Variants in RYR2 observed in about 807,000 individuals in gnomAD.
RYR2 encodes cardiac muscle ryanodine receptor-calcium release channel.
A neutral mutation model predicts 601.1 loss-of-function variants in RYR2; 227 were observed. That is an observed-to-expected ratio of 0.38 (90% CI 0.34 to 0.42). RYR2 has a LOEUF of 0.42. Ranked by LOEUF, RYR2 falls within the 10% of genes least tolerant of loss-of-function variation. RYR2 has a pLI of 1.00. For missense variants in RYR2, 4,646 were observed against 6,156.5 expected (o/e 0.75, Z 8.21); for synonymous variants, 2,223 against 2,175.1 (o/e 1.02, Z -0.61).
intron 1 of RYR2, among the ~76,000 whole-genome samples, chr1:237,124,836 T>C (rs1194930574): frequency 6.6e-6 from 1 of 152,168 alleles, no homozygotes; most frequent in Non-Finnish European, 1.5e-5. Context: ...CCCCACCTTT[T>C]CCCCCTGGCA....
chr1:237,382,477 T>C (rs1032936615), intron 8 of RYR2, among the ~76,000 whole-genome samples: 1 of 151,950 alleles, frequency 6.6e-6, no homozygotes, highest in Admixed American at 6.6e-5. Context: ...GCTGCACCCA[T>C]TAACTTGTCA....
intron 96 of RYR2, among the ~76,000 whole-genome samples, chr1:237,797,763 T>TGCTTTTATTTCA (rs1238378612): frequency 6.6e-6 from 1 of 152,250 alleles, no homozygotes; most frequent in African/African-American, 2.4e-5. Context: ...CCATTTCTTA[T>TGCTTTTATTTCA]GCTTTTATTT....
chr1:237,121,498 G>A (rs529377323), intron 1 of RYR2, among the ~76,000 whole-genome samples: 7 of 152,268 alleles, frequency 4.6e-5, no homozygotes, highest in Non-Finnish European at 7.4e-5. Context: ...GTTAGGAAAC[G>A]GTAAACTCCA....
chr1:237,273,726 C>A (rs1329267782), intron 2 of RYR2, among the ~76,000 whole-genome samples: 1 of 150,982 alleles, frequency 6.6e-6, no homozygotes, highest in Non-Finnish European at 1.5e-5. Context: ...TAGCTATTTG[C>A]AATATTGGTC....
intron 25 of RYR2, among the ~76,000 whole-genome samples, chr1:237,537,251 G>C (rs1223949936): frequency 6.6e-6 from 1 of 152,172 alleles, no homozygotes; most frequent in Non-Finnish European, 1.5e-5. Context: ...AGCATAGATT[G>C]CAATAGCACT....
At position 237,661,334 on chromosome 1, in the gene RYR2, C is replaced by T. The variant is rs537727661; in HGVS notation, c.8436+387C>T. 2.0e-4 allele frequency among the ~76,000 whole-genome samples: 31 copies of T among 151,906 alleles called. No individual in the cohort carries two copies. In the South Asian group the frequency reaches 3.5e-3, roughly 17 times the overall value. On this transcript the variant is annotated intron_variant, in intron 56 of 104. Transcript: ENST00000366574. ...ACAGAGGAAGGGGAACATCACACAC[C>T]GGGGCCTGTCAGGGAGTGGGGGGCT...
At chr1:237,419,053 A>T (rs1705290644) in intron 11 of RYR2, among the ~76,000 whole-genome samples, 1 of 152,018 alleles carries the variant, frequency 6.6e-6, no homozygotes, top group Non-Finnish European at 1.5e-5. Context: ...ATTTTTTTAC[A>T]TTGTGTATTA....
chr1:237,433,502 T>A (rs1210508480), intron 12 of RYR2, among the ~76,000 whole-genome samples: 1 of 149,168 alleles, frequency 6.7e-6, no homozygotes, highest in East Asian at 2.1e-4. Context: ...AAGATGAAAA[T>A]ATATATATTT....
intron 1 of RYR2, among the ~76,000 whole-genome samples, chr1:237,074,047 T>C (rs2148346139): frequency 6.6e-6 from 1 of 152,280 alleles, no homozygotes; most frequent in African/African-American, 2.4e-5. Context: ...CCCTAAATGA[T>C]GGCTCATGTC....
chr1:237,422,897 G>C (rs530577450), intron 11 of RYR2, among the ~76,000 whole-genome samples, 195 bp from the exon 12 acceptor site: 18 of 152,226 alleles, frequency 1.2e-4, no homozygotes, highest in African/African-American at 3.9e-4. Context: ...TAAGCTTTGC[G>C]ACTTTGTGTA....
intron 1 of RYR2, among the ~76,000 whole-genome samples, chr1:237,072,926 C>T (rs2385612): frequency 0.55 from 78,170 of 143,314 alleles, 23,540 homozygotes; most frequent in Non-Finnish European, 0.68. Context: ...CCAGCACGGG[C>T]GACAGAGCGA....
chr1:237,395,857 T>C (rs987760343), intron 10 of RYR2, among the ~76,000 whole-genome samples: 2 of 152,122 alleles, frequency 1.3e-5, no homozygotes, highest in Non-Finnish European at 2.9e-5. Flanking sequence ...GGACTATCTT[T>C]AACTTCCCCA....
Position 237,648,675 on chromosome 1 carries a change from C to T in RYR2, c.7512+62C>T, listed in dbSNP as rs549119574. 4.6e-5 allele frequency: 68 copies of T among 1,484,108 alleles called. No homozygotes were observed. In the African/African-American group the frequency reaches 8.7e-4, roughly 19 times the overall value. The allele number at this position is 1,484,108 out of a possible 1,614,324, so 91.9% of individuals were successfully genotyped here. A position where few individuals can be genotyped will look rare whatever the true frequency, so the allele number is the denominator to read the frequency against. ...TCTTCACTCTGTGCCTTATGATGTTCTTTTTTATATATCCATTCATTAATT... is the reference window on the plus strand; with the variant it reads ...TCTTCACTCTGTGCCTTATGATGTTTTTTTTTATATATCCATTCATTAATT... On this transcript the variant is annotated intron_variant, in intron 49 of 104. Coordinates refer to ENST00000366574, the MANE Select transcript of RYR2 (RefSeq NM_001035.3).
chr1:237,759,340 C>T (rs1313225335), intron 82 of RYR2, among the ~76,000 whole-genome samples: 1 of 152,114 alleles, frequency 6.6e-6, no homozygotes, highest in East Asian at 1.9e-4. Context: ...CCCACCTCAG[C>T]CTCCCAAAGT....
intron 17 of RYR2, among the ~76,000 whole-genome samples, chr1:237,483,223 G>A (rs1048393640): frequency 2.6e-5 from 4 of 151,974 alleles, no homozygotes; most frequent in Admixed American, 6.5e-5. Context: ...TACCTCTTAC[G>A]ACTATCATCA....
rs546671959 is a variant in RYR2 at position 237,330,693 on chromosome 1, C to T, written c.169-185C>T. On this transcript the variant is annotated intron_variant, in intron 2 of 104. Transcript: ENST00000366574. ...GTGAGCCACCGCACCCGGCCACTATCTCTGGTTTTTTAAAATGTATTAAAC... is the reference window on the plus strand; with the variant it reads ...GTGAGCCACCGCACCCGGCCACTATTTCTGGTTTTTTAAAATGTATTAAAC... Among the ~76,000 whole-genome samples the T allele has an allele frequency of 1.9e-3, 291 of 152,198 alleles. 1 individual carries two copies. The highest frequency in any genetic ancestry group is 6.6e-3 in the African/African-American group (274 of 41,542).
intron 23 of RYR2, among the ~76,000 whole-genome samples, chr1:237,508,231 G>A (rs1227639642): frequency 6.6e-6 from 1 of 152,084 alleles, no homozygotes; most frequent in Non-Finnish European, 1.5e-5. Flanking sequence ...AAAGTGCTGG[G>A]ATTACAGGCT....
At chr1:237,603,334 G>T (rs979603905) in intron 35 of RYR2, among the ~76,000 whole-genome samples, 1 of 152,024 alleles carries the variant, frequency 6.6e-6, no homozygotes, top group Non-Finnish European at 1.5e-5. Flanking sequence ...GGCCCCTGGT[G>T]CCCCCCTGTC....
intron 82 of RYR2, among the ~76,000 whole-genome samples, chr1:237,759,501 G>A (rs906735910): frequency 2.0e-5 from 3 of 152,178 alleles, no homozygotes; most frequent in Non-Finnish European, 2.9e-5. Flanking sequence ...TACTTTAAGA[G>A]TGACCAGGAG....
Sources: gnomAD v4.1 joint callset for allele counts (sites outside exome capture counted in the v4.1 genomes callset) on GRCh38, gnomAD v4.1.1 for gene constraint, MANE v1.5 for transcripts, NCBI Gene and HGNC (gene_info 2026-07-23, HGNC 2026-07-21) for gene names.